Variants in TTC14 observed in about 807,000 individuals in gnomAD.
TTC14 encodes the protein tetratricopeptide repeat protein 14.
Under a neutral mutation model 79.9 loss-of-function variants are expected in TTC14, and 63 were observed. The observed-to-expected ratio is 0.79, with a 90% CI of 0.64 to 0.97. TTC14 has a LOEUF of 0.97. TTC14 is among the 50% of genes least tolerant of loss of function. TTC14 has a pLI of 0.00. For missense variants in TTC14, 895 were observed against 894.0 expected, an observed-to-expected ratio of 1.00 and a Z score of -0.01; for synonymous variants, 335 against 309.6, an observed-to-expected ratio of 1.08 and a Z score of -0.86.
downstream of TTC14, among the ~76,000 whole-genome samples, chr3:180,613,567 A>G (rs571084013): frequency 3.3e-5 from 5 of 152,304 alleles, no homozygotes; most frequent in South Asian, 1.0e-3. Flanking sequence ...CTTGTAGGTA[A>G]CTTTCTGTGT....
At chr3:180,607,917 T>G in intron 10 of TTC14, 152 bp downstream of exon 10, 1 of 1,407,960 alleles carries the variant, frequency 7.1e-7, no homozygotes, top group Non-Finnish European at 9.2e-7. Context: ...GGTTTGACAT[T>G]GCTTCATAGT....
At chr3:180,616,905 G>T in intron 12 of TTC14, 1 of 1,563,606 alleles carries the variant, frequency 6.4e-7, no homozygotes. Context: ...CTGCTTCTCT[G>T]ATAACTTTTC....
downstream of TTC14, chr3:180,617,949 A>T (rs574830771): frequency 4.6e-5 from 7 of 153,358 alleles, no homozygotes; most frequent in African/African-American, 1.7e-4. Flanking sequence ...CGCAAGCTCC[A>T]TTTATGGTAA....
rs561458801 is a variant in TTC14, at chr3:180,616,694, C to T, written c.1775-686C>T. The stretch of plus-strand genomic sequence containing the variant: ...ACGGATTTCCTTTGTGAGTTTTGCA[C>T]ACTGTTGGTAAATAATAGTCAATTA... On this transcript the variant is annotated intron_variant, in intron 12 of 12. Transcript: ENST00000382584. The T allele has an allele frequency of 5.5e-4, 874 of 1,586,126 alleles. 11 individuals are homozygous for T. In the South Asian group the frequency reaches 9.4e-3, roughly 17 times the overall value.
intron 1 of TTC14, 151 bp from the exon 2 acceptor site, chr3:180,602,740 G>T: frequency 1.1e-6 from 1 of 935,964 alleles, no homozygotes; most frequent in Non-Finnish European, 1.5e-6. Flanking sequence ...TGGTTAATGA[G>T]GGAATGCCTA....
At chr3:180,603,593 T>A in intron 3 of TTC14, 1 of 418,620 alleles carries the variant, frequency 2.4e-6, no homozygotes, top group East Asian at 5.0e-5. Flanking sequence ...GTGGACGTGG[T>A]GAGGTTGATT....
intron 6 of TTC14, 35 bp from the exon 7 acceptor site, chr3:180,605,731 T>C: frequency 1.3e-6 from 2 of 1,487,006 alleles, no homozygotes; most frequent in Non-Finnish European, 9.1e-7. Flanking sequence ...AAAATATTTG[T>C]GGTTTAACTT....
In TTC14 at chr3:180,610,684, T is replaced by C; in HGVS notation, c.*142T>C. On this transcript the variant is annotated 3_prime_UTR_variant, in exon 12 of 12. Transcript: ENST00000296015. The stretch of plus-strand genomic sequence containing the variant: ...CAGGAAACAAATGCTTTTAAGTAAG[T>C]TTTTCTCAAATTTTGTTTCAGTTCT... 1 of 1,401,562 alleles carries C rather than the reference T, an allele frequency of 7.1e-7. No individual in the cohort carries two copies. Among genetic ancestry groups the C allele is most frequent in the Non-Finnish European group, 9.2e-7 (1 of 1,082,082 alleles). The allele number at this position is 1,401,562 out of a possible 1,614,324, so 86.8% of individuals were successfully genotyped here. A position where few individuals can be genotyped will look rare whatever the true frequency, so the allele number is the denominator to read the frequency against.
chr3:180,617,909 C>T (rs1326643256), downstream of TTC14: 4 of 155,322 alleles, frequency 2.6e-5, no homozygotes, highest in East Asian at 7.5e-4. Context: ...CTCACTCACT[C>T]AGTCACTCAC....
At chr3:180,611,401 C>T (rs1716993274), downstream of TTC14, among the ~76,000 whole-genome samples, 1 of 152,188 alleles carries the variant, frequency 6.6e-6, no homozygotes, top group African/African-American at 2.4e-5. Flanking sequence ...TTGGGAGACT[C>T]TCCTAGTGTA....
exon 13 of TTC14, chr3:180,617,650 A>G: frequency 4.9e-6 from 2 of 405,890 alleles, no homozygotes. Flanking sequence ...AAAAATGCTT[A>G]GAGAATAAGG....
Position 180,602,281 on chromosome 3 carries a change from G to C in TTC14, c.20G>C (p.Arg7Pro). The C allele has an allele frequency of 6.2e-7, 1 of 1,614,022 alleles. No homozygotes were observed. Among genetic ancestry groups the C allele is most frequent in the Non-Finnish European group, 8.5e-7 (1 of 1,180,028 alleles). Residue 7 changes from arginine to proline, a missense_variant, in exon 1 of 12, where the codon CGG becomes CCG. By Grantham distance (103) the Arg-to-Pro change is moderately radical. Transcript: ENST00000296015. Reference protein sequence around the residue: MDRDLLRQSLNCHGSSL... With the variant: MDRDLLPQSLNCHGSSL... ...CTAGCCATGGACCGGGACCTTTTGCGGCAGTCGCTAAATTGCCACGGGTCG... is the reference window on the plus strand; with the variant it reads ...CTAGCCATGGACCGGGACCTTTTGCCGCAGTCGCTAAATTGCCACGGGTCG...
Position 180,606,619 on chromosome 3 carries a change from T to A in TTC14, c.1172+16T>A, listed in dbSNP as rs1576921130. The A allele has an allele frequency of 6.2e-7, 1 of 1,602,558 alleles. No individual in the cohort carries two copies. Among genetic ancestry groups the A allele is most frequent in the Admixed American group, 1.7e-5 (1 of 57,442 alleles). On this transcript the variant is annotated intron_variant, in intron 9 of 11. Transcript: ENST00000296015. ...GAGGAGGACAGTAAGTATCAGATTT[T>A]GTTTAATAGTGGAGGTCTAATGTTC...
chr3:180,609,242 T>TTCCCCCCCCC, intron 11 of TTC14: 1 of 606,946 alleles, frequency 1.6e-6, no homozygotes, highest in Non-Finnish European at 2.1e-6. Flanking sequence ...ACAGGTCAGC[T>TTCCCCCCCCC]CCCACCCGCA....
chr3:180,605,050 C>A, intron 6 of TTC14, 43 bp downstream of exon 6: 2 of 1,562,920 alleles, frequency 1.3e-6, no homozygotes, highest in Non-Finnish European at 8.7e-7. Flanking sequence ...AGGGGAGTGG[C>A]AGTAAGCTCA....
rs1309774744 is a variant in TTC14, at chr3:180,604,241, G to GC, written c.503_504insC (p.Arg168SerfsTer8). 2.5e-6 allele frequency: 4 copies of GC among 1,613,444 alleles called. No homozygotes were observed. The South Asian group carries it at 4.4e-5, about 18-fold the overall frequency. On this transcript the variant is annotated frameshift_variant, in exon 4 of 12. Transcript: ENST00000296015. LOFTEE classifies it high-confidence loss of function. ...TCATTACAGGCTCTTTGTCCCTTAA[G>GC]AGATGTGCCTTCTCACAGTAACCAT...
In TTC14 at chr3:180,604,307, G is replaced by A. The variant is rs758375270; in HGVS notation, c.569G>A (p.Arg190Gln). The change falls in exon 4 of 12, where the codon CGA becomes CAA. Residue 190 changes from arginine (R) to glutamine (Q), a missense_variant and splice_region_variant. By Grantham distance (43) the Arg-to-Gln change is conservative. Transcript: ENST00000296015. Reference protein sequence around the residue: ...LSYYQTGDIIRAGIKDIDRYH... With the variant: ...LSYYQTGDIIQAGIKDIDRYH... ...TATTACCAAACTGGTGACATCATTC[G>A]AGGTGATTAGTTTCATCATACTAAT... 23 of 1,610,700 alleles carry A rather than the reference G, an allele frequency of 1.4e-5. No homozygotes were observed. The highest frequency in any genetic ancestry group is 6.7e-5 in the East Asian group (3 of 44,768).
chr3:180,605,195 A>G (rs954624472), intron 6 of TTC14, 188 bp downstream of exon 6: 3 of 451,264 alleles, frequency 6.6e-6, no homozygotes, highest in Non-Finnish European at 1.1e-5. Flanking sequence ...TATGTGTACC[A>G]TGTAACCAAG....
chr3:180,616,429 A>G, intron 12 of TTC14: 1 of 1,511,856 alleles, frequency 6.6e-7, no homozygotes, highest in Non-Finnish European at 8.9e-7. Context: ...AATATTTTTA[A>G]TTAGCTTTCA....
Sources: allele counts gnomAD v4.1 joint callset (sites outside exome capture counted in the v4.1 genomes callset), GRCh38; gene constraint gnomAD v4.1.1; transcripts MANE v1.5; gene names NCBI Gene and HGNC (gene_info 2026-07-23, HGNC 2026-07-21).